The following KCTD1 variants were observed in gnomAD, a reference collection of about 807,000 sequenced individuals.
KCTD1 encodes BTB/POZ domain-containing protein KCTD1.
In KCTD1, 24 loss-of-function variants were observed where a neutral mutation model predicts 66.0. That is an observed-to-expected ratio of 0.36 (90% CI 0.26 to 0.51). The LOEUF (loss-of-function observed/expected upper bound fraction) is 0.51. Ranked by LOEUF, KCTD1 falls within the 20% of genes least tolerant of loss-of-function variation. The probability of loss-of-function intolerance (pLI) is 0.95; values close to 1 mark genes in which losing one functional copy is unlikely to be tolerated. For synonymous variants in KCTD1, 511 were observed against 517.2 expected, an observed-to-expected ratio of 0.99 and a Z score of 0.16; for missense variants, 943 against 1,205.2, an observed-to-expected ratio of 0.78 and a Z score of 3.22.
At chr18:26,550,579 C>G (rs867710894), upstream of KCTD1, among the ~76,000 whole-genome samples, 218 of 150,888 alleles carry the variant, frequency 1.4e-3, 1 homozygote, top group East Asian at 6.7e-3. The surrounding 1 kb of genome is among the most constrained non-coding windows in gnomAD (Gnocchi z 5.4). Flanking sequence ...CACACACACA[C>G]ACACACACAC....
intron 2 of KCTD1, among the ~76,000 whole-genome samples, chr18:26,494,775 T>TC (rs1227483970): frequency 1.3e-5 from 2 of 152,188 alleles, no homozygotes; most frequent in African/African-American, 4.8e-5. Context: ...CCAGGTGCTT[T>TC]CCCCCCTTTT....
At chr18:26,525,416 C>T (rs940259939) in intron 1 of KCTD1, among the ~76,000 whole-genome samples, 1 of 152,290 alleles carries the variant, frequency 6.6e-6, no homozygotes, top group Admixed American at 6.5e-5. Flanking sequence ...AGCCAATATT[C>T]AATAATTCCC....
intron 1 of KCTD1, among the ~76,000 whole-genome samples, chr18:26,538,990 T>C (rs1337756648): frequency 6.6e-6 from 1 of 152,262 alleles, no homozygotes; most frequent in East Asian, 1.9e-4. Flanking sequence ...TGTCACTGCT[T>C]TGTGATGCTG....
chr18:26,588,333 G>T (rs539525120), intron 1 of KCTD1, among the ~76,000 whole-genome samples: 1 of 152,074 alleles, frequency 6.6e-6, no homozygotes, highest in African/African-American at 2.4e-5. Flanking sequence ...GGAAAGGGAG[G>T]GGAGGGGAGT....
chr18:26,656,068 G>A (rs1988129559), intron 1 of KCTD1, among the ~76,000 whole-genome samples: 1 of 152,086 alleles, frequency 6.6e-6, no homozygotes, highest in African/African-American at 2.4e-5. Flanking sequence ...GGGGGGCGGA[G>A]GAGGAAAGAG....
chr18:26,636,717 T>A (rs1385401422), intron 1 of KCTD1, among the ~76,000 whole-genome samples: 1 of 152,182 alleles, frequency 6.6e-6, no homozygotes, highest in South Asian at 2.1e-4. Flanking sequence ...TCTGGACACC[T>A]CTTCCAGGAG....
intron 1 of KCTD1, among the ~76,000 whole-genome samples, chr18:26,650,377 A>G (rs975341731): frequency 1.7e-4 from 26 of 152,244 alleles, no homozygotes; most frequent in African/African-American, 6.3e-4. Flanking sequence ...CACTGTATTA[A>G]GGAACTGAGA....
rs753979261 is a variant in KCTD1 at position 26,547,501 on chromosome 18, C to A, written c.1036G>T (p.Val346Phe). 2 of 1,551,558 alleles carry A rather than the reference C, an allele frequency of 1.3e-6. No homozygotes were observed. The highest frequency in any genetic ancestry group is 1.2e-5 in the South Asian group (1 of 84,060). The change falls in exon 1 of 5, where the codon GTC becomes TTC. Residue 346 changes from valine (V) to phenylalanine (F), a missense_variant. Coordinates refer to ENST00000580059, the MANE Select transcript of KCTD1 (RefSeq NM_001142730.3). Reference protein sequence around the residue: ...LAMDEDGRKFVYFKSLGPYHK... With the variant: ...LAMDEDGRKFFYFKSLGPYHK... ...TAGGGCCCGAGGGACTTGAAGTAGACGAACTTGCGACCGTCCTCGTCCATG... is the reference window on the plus strand; with the variant it reads ...TAGGGCCCGAGGGACTTGAAGTAGAAGAACTTGCGACCGTCCTCGTCCATG...
intron 1 of KCTD1, among the ~76,000 whole-genome samples, chr18:26,506,937 G>A (rs1038088363): frequency 2.6e-5 from 4 of 152,138 alleles, no homozygotes; most frequent in East Asian, 3.9e-4. Context: ...AGGCCGAGGC[G>A]GGCAGATCAC....
intron 1 of KCTD1, chr18:26,566,196 C>T (rs1254579394): frequency 6.6e-6 from 1 of 152,170 alleles, no homozygotes; most frequent in Non-Finnish European, 1.5e-5. Context: ...TCAATTAATT[C>T]AATGCAAGAT....
At chr18:26,457,026 G>GTAT (rs1202046654) in intron 4 of KCTD1, 2 of 150,696 alleles carry the variant, frequency 1.3e-5, no homozygotes, top group Admixed American at 6.6e-5. Flanking sequence ...TTTTTAAAAA[G>GTAT]TATTATTTTT....
Position 26,647,519 on chromosome 18 carries a change from C to CAAAAAA in KCTD1, c.9+9835_9+9840dup, listed in dbSNP as rs57856118. Among the ~76,000 whole-genome samples the CAAAAAA allele has an allele frequency of 1.7e-3, 98 of 57,314 alleles. 3 individuals carry two copies. Among genetic ancestry groups the CAAAAAA allele is most frequent in the Non-Finnish European group, 2.3e-3 (70 of 30,796 alleles). 37.6% of individuals were successfully genotyped at this position (57,314 alleles called of 152,430 possible). A position where few individuals can be genotyped will look rare whatever the true frequency, so the allele number is the denominator to read the frequency against. ...TGGGAAACAGAGTGAGACTCCATCT[C>CAAAAAA]AAAAAAAAAAAAAAAAAAAAAAAAA... On this transcript the variant is annotated intron_variant, in intron 1 of 4. Coordinates refer to the KCTD1 transcript ENST00000580191.
At chr18:26,552,013 T>G (rs1000678275), upstream of KCTD1, among the ~76,000 whole-genome samples, 1 of 152,202 alleles carries the variant, frequency 6.6e-6, no homozygotes, top group Non-Finnish European at 1.5e-5. Context: ...TAGGGAACAT[T>G]TATTGCAATT....
At chr18:26,607,189 C>T (rs1987036352) in intron 1 of KCTD1, among the ~76,000 whole-genome samples, 1 of 152,178 alleles carries the variant, frequency 6.6e-6, no homozygotes, top group African/African-American at 2.4e-5. Flanking sequence ...TGCAAGCCAC[C>T]AAGCCAAGCT....
chr18:26,590,592 T>G (rs1986578698), intron 1 of KCTD1, among the ~76,000 whole-genome samples: 1 of 152,128 alleles, frequency 6.6e-6, no homozygotes, highest in South Asian at 2.1e-4. Context: ...TAACCAGGCC[T>G]TCTTTTCTGC....
intron 1 of KCTD1, among the ~76,000 whole-genome samples, chr18:26,558,144 C>G (rs933679966): frequency 2.6e-5 from 4 of 152,204 alleles, no homozygotes; most frequent in Non-Finnish European, 5.9e-5. Context: ...CTTGTTGAAG[C>G]AGGGTGCCTA....
chr18:26,649,601 T>A (rs1332507987), intron 1 of KCTD1, among the ~76,000 whole-genome samples: 2 of 152,160 alleles, frequency 1.3e-5, no homozygotes, highest in East Asian at 3.9e-4. Flanking sequence ...CTCCGCCTCC[T>A]GGGTTCAAGC....
At chr18:26,582,805 G>GTT (rs59317159) in intron 1 of KCTD1, among the ~76,000 whole-genome samples, 8 of 148,114 alleles carry the variant, frequency 5.4e-5, no homozygotes, top group Admixed American at 1.4e-4. Flanking sequence ...ACACCATTTG[G>GTT]TTTTTTTTTT....
intron 3 of KCTD1, among the ~76,000 whole-genome samples, chr18:26,471,646 A>G (rs904958833): frequency 2.0e-5 from 3 of 152,108 alleles, no homozygotes. Context: ...ACTGTTCAGA[A>G]CCTTGACTGT....
Sources: gnomAD v4.1 joint callset for allele counts (sites outside exome capture counted in the v4.1 genomes callset) on GRCh38, gnomAD v4.1.1 for gene constraint, Gnocchi (gnomAD v3.1) non-coding constraint, MANE v1.5 for transcripts, NCBI Gene and HGNC (gene_info 2026-07-23, HGNC 2026-07-21) for gene names.